TMEM71: variants seen among roughly 807,000 people sequenced by gnomAD.
TMEM71 encodes the protein transmembrane protein 71.
A neutral mutation model predicts 38.0 loss-of-function variants in TMEM71; 44 were observed. The observed-to-expected ratio is 1.16, with a 90% CI of 0.91 to 1.49. The LOEUF is 1.49. Ranked by LOEUF, TMEM71 falls within the 40% of genes most tolerant of loss-of-function variation. TMEM71 has a pLI of 0.00. For synonymous variants in TMEM71, 133 were observed against 122.5 expected (o/e 1.09, Z -0.56); for missense variants, 367 against 348.6 (o/e 1.05, Z -0.42).
At chr8:132,774,229 T>G in the TMEM71 span, among the ~76,000 whole-genome samples, 2 of 152,266 alleles carry the variant, frequency 1.3e-5, no homozygotes, top group Non-Finnish European at 2.9e-5. Context: ...TCTGAACTAA[T>G]GCAACCATGA....
chr8:132,756,412 TATATA>T (rs1829014482), intron 3 of TMEM71, among the ~76,000 whole-genome samples: 1 of 35,702 alleles, frequency 2.8e-5, no homozygotes, highest in Non-Finnish European at 5.0e-5. Flanking sequence ...ACATATATAT[TATATA>T]TATATATATA....
At chr8:132,775,830 G>A in the TMEM71 span, among the ~76,000 whole-genome samples, 4 of 152,062 alleles carry the variant, frequency 2.6e-5, no homozygotes, top group Non-Finnish European at 4.4e-5. Context: ...CCCCTGCGGA[G>A]GGCCGGATGG....
chr8:132,712,965 C>T (rs1023559284), intron 9 of TMEM71, among the ~76,000 whole-genome samples: 1 of 152,060 alleles, frequency 6.6e-6, no homozygotes, highest in Non-Finnish European at 1.5e-5. Flanking sequence ...ATTCCTCCAT[C>T]TTAGTCTCCC....
chr8:132,727,639 A>G (rs1827219746), intron 6 of TMEM71, among the ~76,000 whole-genome samples, 159 bp downstream of exon 6: 1 of 152,176 alleles, frequency 6.6e-6, no homozygotes, highest in Non-Finnish European at 1.5e-5. Flanking sequence ...TCTCCTCTGC[A>G]AAGGGTCACC....
At chr8:132,745,052 C>G (rs1002607479) in intron 5 of TMEM71, among the ~76,000 whole-genome samples, 1 of 152,122 alleles carries the variant, frequency 6.6e-6, no homozygotes, top group Non-Finnish European at 1.5e-5. Context: ...AATGTAAGAC[C>G]TCCCTTAACC....
chr8:132,775,363 C>T, the TMEM71 span: 1 of 360,012 alleles, frequency 2.8e-6, no homozygotes, highest in Non-Finnish European at 5.0e-6. Flanking sequence ...GGGCGGCTGA[C>T]GTCGCCGGGG....
chr8:132,746,444 TACATATAC>T (rs1563753772), intron 5 of TMEM71, among the ~76,000 whole-genome samples: 5 of 16,996 alleles, frequency 2.9e-4, no homozygotes, highest in East Asian at 1.8e-3. Context: ...TATATACATA[TACATATAC>T]ATATATATAT....
chr8:132,737,360 A>G (rs1413934814), intron 5 of TMEM71, among the ~76,000 whole-genome samples: 2 of 152,212 alleles, frequency 1.3e-5, no homozygotes, highest in African/African-American at 4.8e-5. Flanking sequence ...CTTTGGAGGG[A>G]AGATTCCACA....
intron 6 of TMEM71, among the ~76,000 whole-genome samples, chr8:132,726,418 T>C (rs1159474943): frequency 6.6e-6 from 1 of 152,228 alleles, no homozygotes; most frequent in African/African-American, 2.4e-5. Flanking sequence ...TTTTTTCCAT[T>C]TAACTTCAAT....
chr8:132,763,325 T>C (rs1182289498), upstream of TMEM71, among the ~76,000 whole-genome samples: 1 of 152,238 alleles, frequency 6.6e-6, no homozygotes, highest in African/African-American at 2.4e-5. Context: ...TTCATTTTAA[T>C]AGCCCAAGTA....
At chr8:132,732,180 C>A (rs891777793) in intron 5 of TMEM71, among the ~76,000 whole-genome samples, 2 of 152,092 alleles carry the variant, frequency 1.3e-5, no homozygotes, top group Non-Finnish European at 2.9e-5. Context: ...ATTGCTACAA[C>A]AAAGGCTGGA....
chr8:132,766,677 A>G, the TMEM71 span, among the ~76,000 whole-genome samples: 1 of 151,742 alleles, frequency 6.6e-6, no homozygotes, highest in Admixed American at 6.6e-5. Flanking sequence ...TGTGGTCCCA[A>G]CTACTCAGGA....
At chr8:132,715,335 G>A (rs371001443) in intron 7 of TMEM71, among the ~76,000 whole-genome samples, 5 of 149,144 alleles carry the variant, frequency 3.4e-5, no homozygotes, top group Admixed American at 2.0e-4. Context: ...GCGTGAACCC[G>A]GGAGGCGGAG....
chr8:132,775,383 G>C, the TMEM71 span: 1 of 369,048 alleles, frequency 2.7e-6, no homozygotes, highest in Non-Finnish European at 4.8e-6. Context: ...GCCCGGCGTC[G>C]CGTCAGGGCT....
Position 132,731,140 on chromosome 8 carries a change from T to A in TMEM71, c.488-3154A>T, listed in dbSNP as rs917001957. Among the ~76,000 whole-genome samples the A allele has an allele frequency of 2.6e-5, 4 of 152,182 alleles. No homozygotes were observed. The South Asian group carries it at 8.3e-4, about 32-fold the overall frequency. On this transcript the variant is annotated intron_variant, in intron 5 of 9. Coordinates refer to ENST00000677595, the MANE Select transcript of TMEM71 (RefSeq NM_001382403.1). ...GTAAAATAGGATAGTAATGTCTACT[T>A]TTTTACAGCTGTGATAAGTGAAGGA...
At position 132,755,851 on chromosome 8, in the gene TMEM71, A is replaced by T. The variant is rs1828974322; in HGVS notation, c.101+1383T>A. Among the ~76,000 whole-genome samples, 3 of 152,214 alleles carry T rather than the reference A, an allele frequency of 2.0e-5. No homozygotes were observed. In the South Asian group the frequency reaches 6.2e-4, roughly 31 times the overall value. On this transcript the variant is annotated intron_variant, in intron 3 of 9. Coordinates refer to ENST00000677595, the MANE Select transcript of TMEM71 (RefSeq NM_001382403.1). ...CTTCACAAATCTCTACAAGCTAAGTATCATTATCCTCATCATATAGCAGGA... is the reference window on the plus strand; with the variant it reads ...CTTCACAAATCTCTACAAGCTAAGTTTCATTATCCTCATCATATAGCAGGA...
At chr8:132,769,273 C>T in the TMEM71 span, among the ~76,000 whole-genome samples, 2 of 152,250 alleles carry the variant, frequency 1.3e-5, no homozygotes, top group South Asian at 4.2e-4. Context: ...CTTGATTTGT[C>T]GAGTCAGAAT....
At chr8:132,724,636 C>T (rs933402904) in intron 6 of TMEM71, among the ~76,000 whole-genome samples, 7 of 152,100 alleles carry the variant, frequency 4.6e-5, no homozygotes, top group Admixed American at 6.5e-5. Context: ...GTACAGTTAA[C>T]GCAATCATCA....
upstream of TMEM71, among the ~76,000 whole-genome samples, chr8:132,761,813 G>A (rs542030023): frequency 3.0e-3 from 453 of 152,294 alleles, 3 homozygotes; most frequent in African/African-American, 0.01. Flanking sequence ...CTGCCATGGT[G>A]GAGAAGCCCA....
Sources: gnomAD v4.1 joint callset for allele counts (sites outside exome capture counted in the v4.1 genomes callset) on GRCh38, gnomAD v4.1.1 for gene constraint, MANE v1.5 for transcripts, NCBI Gene and HGNC (gene_info 2026-07-23, HGNC 2026-07-21) for gene names.